PCDHA1: variants seen among roughly 807,000 people sequenced by gnomAD.
PCDHA1 encodes protocadherin alpha 1.
PCDHA1 carries 42 observed loss-of-function variants against 61.3 expected under a neutral mutation model. The observed-to-expected ratio is 0.69, with a 90% CI of 0.54 to 0.89. The LOEUF (loss-of-function observed/expected upper bound fraction) is 0.89, where lower values mean the gene tolerates loss of function less well. Among genes scored for constraint, PCDHA1 ranks in the 40% least tolerant of loss-of-function variants. The pLI, the probability that PCDHA1 is intolerant of heterozygous loss-of-function variation, is 0.00. For missense variants in PCDHA1, 1,256 were observed against 1,235.3 expected (o/e 1.02, Z -0.25); for synonymous variants, 610 against 553.8 (o/e 1.10, Z -1.43).
rs2043307910 is a variant in PCDHA1, at chr5:140,855,009, A to C, written c.2394+66325A>C. Among the ~76,000 whole-genome samples the C allele has an allele frequency of 1.3e-5, 2 of 149,938 alleles. 1 individual carries two copies. Among genetic ancestry groups the C allele is most frequent in the Admixed American group, 1.3e-4 (2 of 14,922 alleles). ...CTTTTTGCCCGTGTAAGATATTATA[A>C]AATGAAACTTCTTGTATAAAGGATT... On this transcript the variant is annotated intron_variant, in intron 1 of 3. Coordinates refer to ENST00000504120, the MANE Select transcript of PCDHA1 (RefSeq NM_018900.4).
At chr5:140,980,440 G>A (rs1317929590) in intron 2 of PCDHA1, among the ~76,000 whole-genome samples, 1 of 152,144 alleles carries the variant, frequency 6.6e-6, no homozygotes, top group African/African-American at 2.4e-5. Flanking sequence ...GACCATCCTG[G>A]ACAACACGGT....
At position 140,991,361 on chromosome 5, in the gene PCDHA1, G is replaced by A. The variant is rs1183124741; in HGVS notation, c.2542+8798G>A. On this transcript the variant is annotated intron_variant, in intron 3 of 3. Transcript: ENST00000504120. ...GGTAACTTGGAAAAGACTATTTACT[G>A]TCTGAGTTCTAGGCCAACTGTAGGG... Among the ~76,000 whole-genome samples, 3 of 152,200 alleles carry A rather than the reference G, an allele frequency of 2.0e-5. No individual in the cohort carries two copies. In the East Asian group the frequency reaches 5.8e-4, roughly 29 times the overall value.
intron 1 of PCDHA1, among the ~76,000 whole-genome samples, chr5:140,908,256 A>T (rs192899359): frequency 6.6e-6 from 1 of 152,130 alleles, no homozygotes; most frequent in Non-Finnish European, 1.5e-5. Context: ...AACTGATCAT[A>T]GGGAACTCCC....
At chr5:140,808,416 A>G (rs1209126629) in intron 1 of PCDHA1, 2 of 1,614,036 alleles carry the variant, frequency 1.2e-6, no homozygotes, top group Non-Finnish European at 1.7e-6. Context: ...TTGGTGCTGG[A>G]CAGTGCCCTG....
chr5:140,862,898 CTG>C, intron 1 of PCDHA1: 2 of 555,934 alleles, frequency 3.6e-6, no homozygotes, highest in Non-Finnish European at 3.5e-6. Context: ...ACAACTTTGT[CTG>C]CGCTGCTGGC....
intron 1 of PCDHA1, chr5:140,884,047 G>A: frequency 1.9e-6 from 3 of 1,613,390 alleles, no homozygotes; most frequent in East Asian, 2.2e-5. Flanking sequence ...TGGTGGCGAA[G>A]GTGCGCGCGG....
intron 1 of PCDHA1, among the ~76,000 whole-genome samples, chr5:140,887,774 C>G (rs2061572628): frequency 6.6e-6 from 1 of 152,168 alleles, no homozygotes; most frequent in Non-Finnish European, 1.5e-5. Context: ...TACAATGACA[C>G]AGGTCATTGA....
At chr5:140,822,326 A>C in intron 1 of PCDHA1, 2 of 1,614,186 alleles carry the variant, frequency 1.2e-6, no homozygotes, top group East Asian at 2.2e-5. Context: ...GTTAAAACAA[A>C]TGAAGAAGAA....
rs782754440 is a variant in PCDHA1, at chr5:140,869,396, A to G, written c.2394+80712A>G. 3.2e-5 allele frequency: 51 copies of G among 1,614,230 alleles called. No homozygotes were observed. The highest frequency in any genetic ancestry group is 1.6e-4 in the Middle Eastern group (1 of 6,062). On this transcript the variant is annotated intron_variant, in intron 1 of 3. Transcript: ENST00000504120. ...ATCGACCGCGAGGAGCTGTGCGGGC[A>G]GAGCGCGGAGTGCAGCATCCACCTG...
intron 1 of PCDHA1, among the ~76,000 whole-genome samples, chr5:140,837,759 C>T (rs1554136626): frequency 6.6e-6 from 1 of 151,774 alleles, no homozygotes; most frequent in Non-Finnish European, 1.5e-5. Context: ...CCACTGCAAC[C>T]TGAAAGTCCT....
chr5:140,917,952 GA>G (rs1180047836), intron 1 of PCDHA1, among the ~76,000 whole-genome samples: 1 of 152,002 alleles, frequency 6.6e-6, no homozygotes, highest in Non-Finnish European at 1.5e-5. Flanking sequence ...AGTTTGATAG[GA>G]ACATCATTGA....
intron 1 of PCDHA1, among the ~76,000 whole-genome samples, chr5:140,881,880 C>G (rs1157311188): frequency 6.6e-6 from 1 of 152,210 alleles, no homozygotes; most frequent in Non-Finnish European, 1.5e-5. Flanking sequence ...AAATGAAACT[C>G]ATCAACCAAT....
intron 1 of PCDHA1, among the ~76,000 whole-genome samples, chr5:140,952,123 C>T (rs1182943342): frequency 6.6e-6 from 1 of 152,056 alleles, no homozygotes; most frequent in Non-Finnish European, 1.5e-5. Context: ...GATGGGCTCC[C>T]AAGGCCTTGG....
chr5:140,796,627 G>T, intron 1 of PCDHA1: 3 of 1,613,746 alleles, frequency 1.9e-6, no homozygotes, highest in African/African-American at 1.3e-5. Context: ...GCAGGTGTTC[G>T]TGCTGGACGA....
At position 140,958,540 on chromosome 5, in the gene PCDHA1, A is replaced by G. The variant is rs920451567; in HGVS notation, c.2395-20409A>G. 4.6e-5 allele frequency among the ~76,000 whole-genome samples: 7 copies of G among 152,312 alleles called. 1 individual carries two copies. In the East Asian group the frequency reaches 1.3e-3, roughly 29 times the overall value. On this transcript the variant is annotated intron_variant, in intron 1 of 3. Coordinates refer to ENST00000504120, the MANE Select transcript of PCDHA1 (RefSeq NM_018900.4). ...ATATATACTATGTGTACATTGATTT[A>G]TGAACCAATAAATGTTTCATACACA... is the stretch of plus-strand genomic sequence containing the variant.
intron 1 of PCDHA1, chr5:140,807,765 G>A (rs1764028665): frequency 1.2e-6 from 2 of 1,614,160 alleles, no homozygotes; most frequent in Non-Finnish European, 1.7e-6. Flanking sequence ...AAAGGTCTTG[G>A]GCTTATATTA....
intron 1 of PCDHA1, among the ~76,000 whole-genome samples, chr5:140,953,785 T>C (rs2094935669): frequency 6.6e-6 from 1 of 152,224 alleles, no homozygotes. Context: ...TTTATTTTTT[T>C]CTTCAACTTT....
chr5:140,969,613 T>C (rs2096347317), intron 1 of PCDHA1: 2 of 727,588 alleles, frequency 2.7e-6, no homozygotes, highest in African/African-American at 1.8e-5. Flanking sequence ...AAACACAGAT[T>C]TGTAGAGAAA....
At chr5:141,001,997 CA>C (rs1587968703) in intron 3 of PCDHA1, among the ~76,000 whole-genome samples, 1 of 152,190 alleles carries the variant, frequency 6.6e-6, no homozygotes, top group Admixed American at 6.5e-5. Flanking sequence ...AGTTCACTTG[CA>C]AACACAGAAT....
Sources: allele counts gnomAD v4.1 joint callset (sites outside exome capture counted in the v4.1 genomes callset), GRCh38; gene constraint gnomAD v4.1.1; transcripts MANE v1.5; gene names NCBI Gene and HGNC (gene_info 2026-07-23, HGNC 2026-07-21).